Variants in PTPRD observed in about 807,000 individuals in gnomAD.
PTPRD encodes receptor-type tyrosine-protein phosphatase delta.
PTPRD carries 34 observed loss-of-function variants against 214.5 expected under a neutral mutation model. That is an observed-to-expected ratio of 0.16 (90% CI 0.12 to 0.21). The LOEUF is 0.21. Among genes scored for constraint, PTPRD ranks in the 10% least tolerant of loss-of-function variants. PTPRD has a pLI of 1.00. For synonymous variants in PTPRD, 1,128 were observed against 845.7 expected (o/e 1.33, Z -5.79); for missense variants, 2,545 against 2,398.7 (o/e 1.06, Z -1.27).
chr9:8,960,128 C>T (rs182720367), intron 11 of PTPRD, among the ~76,000 whole-genome samples: 42 of 152,106 alleles, frequency 2.8e-4, no homozygotes, highest in African/African-American at 1.0e-3. Flanking sequence ...TGGGACAAGT[C>T]ACATAACTTC....
In PTPRD at chr9:10,093,334, A is replaced by T. The variant is rs965608106; in HGVS notation, c.-544-59544T>A. Among the ~76,000 whole-genome samples, 11 of 151,614 alleles carry T rather than the reference A, an allele frequency of 7.3e-5. No individual in the cohort carries two copies. The East Asian group carries it at 2.1e-3, about 29-fold the overall frequency. On this transcript the variant is annotated intron_variant, in intron 3 of 45. Transcript: ENST00000381196. ...GATGACATACAAATGGCCAACAAAC[A>T]TGAAAAAAATCCTCATCATGATGAA...
At chr9:9,188,906 GAA>G (rs1254364837) in intron 9 of PTPRD, among the ~76,000 whole-genome samples, 2 of 151,742 alleles carry the variant, frequency 1.3e-5, no homozygotes, top group East Asian at 1.9e-4. Flanking sequence ...ACATAAAGTG[GAA>G]AGAGTCTCTT....
chr9:8,371,396 A>G (rs553232346), intron 39 of PTPRD, among the ~76,000 whole-genome samples: 21 of 152,148 alleles, frequency 1.4e-4, no homozygotes, highest in South Asian at 8.3e-4. Flanking sequence ...AAAAATGTAC[A>G]TAAGCCATGA....
chr9:10,292,942 A>G (rs902041633), intron 3 of PTPRD, among the ~76,000 whole-genome samples: 18 of 151,958 alleles, frequency 1.2e-4, no homozygotes, highest in African/African-American at 3.4e-4. Flanking sequence ...ATAATGGCCA[A>G]TACTACCCAC....
chr9:8,786,772 G>C (rs956960608), intron 11 of PTPRD, among the ~76,000 whole-genome samples: 3 of 151,786 alleles, frequency 2.0e-5, no homozygotes, highest in Admixed American at 6.6e-5. Flanking sequence ...GGGGGCGGGG[G>C]GCGAGGGGTG....
At chr9:10,562,693 T>C (rs1053384209) in intron 2 of PTPRD, among the ~76,000 whole-genome samples, 3 of 152,126 alleles carry the variant, frequency 2.0e-5, no homozygotes, top group Admixed American at 6.6e-5. Flanking sequence ...TGCAAACAAG[T>C]ATTATTTCAC....
chr9:9,968,037 A>T (rs2094828772), intron 4 of PTPRD, among the ~76,000 whole-genome samples: 1 of 152,198 alleles, frequency 6.6e-6, no homozygotes, highest in Admixed American at 6.5e-5. Flanking sequence ...ATGTTCTCTC[A>T]CGCATATCAT....
chr9:9,057,945 G>C (rs1273377824), intron 10 of PTPRD, among the ~76,000 whole-genome samples: 2 of 152,176 alleles, frequency 1.3e-5, no homozygotes, highest in Admixed American at 6.5e-5. Context: ...TCATTAAGAA[G>C]AAATAAACAG....
At chr9:9,984,102 C>A (rs2095630880) in intron 4 of PTPRD, among the ~76,000 whole-genome samples, 1 of 151,780 alleles carries the variant, frequency 6.6e-6, no homozygotes, top group Non-Finnish European at 1.5e-5. Flanking sequence ...TTTAAAAAAT[C>A]ATGATTATTA....
chr9:9,000,460 C>G (rs186371281), intron 11 of PTPRD, among the ~76,000 whole-genome samples: 1 of 152,048 alleles, frequency 6.6e-6, no homozygotes, highest in African/African-American at 2.4e-5. Flanking sequence ...TGTGGTTCAT[C>G]TTGAGGTGCT....
At chr9:9,107,633 T>A (rs1185238274) in intron 10 of PTPRD, among the ~76,000 whole-genome samples, 1 of 152,180 alleles carries the variant, frequency 6.6e-6, no homozygotes, top group Non-Finnish European at 1.5e-5. Context: ...AGAATCAGGC[T>A]GCCAACTGTT....
At chr9:8,800,078 A>G (rs9644892) in intron 11 of PTPRD, among the ~76,000 whole-genome samples, 54,226 of 151,648 alleles carry the variant, frequency 0.36, 11,666 homozygotes, top group Middle Eastern at 0.52. Flanking sequence ...TTATTTGTCA[A>G]GGCTCCAAAG....
At chr9:9,926,463 G>T (rs1174639480) in intron 5 of PTPRD, among the ~76,000 whole-genome samples, 1 of 152,096 alleles carries the variant, frequency 6.6e-6, no homozygotes, top group East Asian at 1.9e-4. Context: ...AGAGGACTCA[G>T]ATCTTGGAAC....
chr9:8,602,192 T>C (rs2094907862), intron 14 of PTPRD, among the ~76,000 whole-genome samples: 1 of 152,206 alleles, frequency 6.6e-6, no homozygotes, highest in African/African-American at 2.4e-5. Context: ...CTTAGCATTC[T>C]ATCTTTCACC....
At chr9:8,817,094 A>C (rs1381875497) in intron 11 of PTPRD, among the ~76,000 whole-genome samples, 1 of 152,224 alleles carries the variant, frequency 6.6e-6, no homozygotes, top group African/African-American at 2.4e-5. Context: ...TGAAGCTGTA[A>C]TATCAATTAC....
intron 9 of PTPRD, among the ~76,000 whole-genome samples, chr9:9,321,953 CT>C (rs1966797794): frequency 6.6e-6 from 1 of 152,142 alleles, no homozygotes; most frequent in African/African-American, 2.4e-5. Context: ...ATACATTAAT[CT>C]GCCATCTAAT....
At chr9:8,620,354 A>C (rs537481134) in intron 14 of PTPRD, among the ~76,000 whole-genome samples, 242 of 152,204 alleles carry the variant, frequency 1.6e-3, no homozygotes, top group African/African-American at 5.6e-3. Flanking sequence ...TCCTTTAATA[A>C]ACAAGACAGC....
chr9:9,479,802 A>G (rs1233480564), intron 8 of PTPRD, among the ~76,000 whole-genome samples: 2 of 152,144 alleles, frequency 1.3e-5, no homozygotes, highest in Admixed American at 6.6e-5. Flanking sequence ...GAAGATACAA[A>G]TTATTTGGAA....
chr9:8,720,445 G>A (rs914031596), intron 12 of PTPRD, among the ~76,000 whole-genome samples: 5 of 152,152 alleles, frequency 3.3e-5, no homozygotes, highest in African/African-American at 2.4e-5. Context: ...GTGGGGAAAC[G>A]GACTGCACCT....
Sources: allele counts gnomAD v4.1 joint callset (sites outside exome capture counted in the v4.1 genomes callset), GRCh38; gene constraint gnomAD v4.1.1; transcripts MANE v1.5; gene names NCBI Gene and HGNC (gene_info 2026-07-23, HGNC 2026-07-21).